The following DPM2 variants were observed in gnomAD, a reference collection of about 807,000 sequenced individuals.
DPM2 encodes dolichol phosphate-mannose biosynthesis regulatory protein.
DPM2 carries 8 observed loss-of-function variants against 12.1 expected under a neutral mutation model. The ratio of observed to expected loss-of-function variants is 0.66; its 90% CI spans 0.39 to 1.19. The LOEUF (loss-of-function observed/expected upper bound fraction) is 1.19, where lower values mean the gene tolerates loss of function less well. DPM2 is among the 50% of genes most tolerant of loss of function. The pLI, the probability that DPM2 is intolerant of heterozygous loss-of-function variation, is 0.01. For synonymous variants in DPM2, 38 were observed against 44.7 expected (o/e 0.85, Z 0.60); for missense variants, 93 against 102.5 (o/e 0.91, Z 0.40).
intron 3 of DPM2, chr9:127,936,304 T>C: frequency 3.4e-6 from 5 of 1,452,434 alleles, no homozygotes; most frequent in Non-Finnish European, 4.6e-6. Flanking sequence ...AGAGGGTGAC[T>C]GAGGTGTGAG....
chr9:127,936,460 A>T (rs1336786915), intron 3 of DPM2, 93 bp downstream of exon 3: 2 of 1,611,106 alleles, frequency 1.2e-6, no homozygotes, highest in Non-Finnish European at 1.7e-6. Context: ...CGGGGCAAGC[A>T]GCTTCCAGCA....
At chr9:127,937,358 T>C in intron 2 of DPM2, 76 bp downstream of exon 2, 1 of 1,152,244 alleles carries the variant, frequency 8.7e-7, no homozygotes, top group Non-Finnish European at 1.3e-6. Flanking sequence ...GCGCCGTGCC[T>C]AGAGCCTATA....
Position 127,935,684 on chromosome 9 carries a change from G to C in DPM2, c.*38C>G, listed in dbSNP as rs1831492474. 1.9e-6 allele frequency: 3 copies of C among 1,609,794 alleles called. No individual in the cohort carries two copies. Among genetic ancestry groups the C allele is most frequent in the Non-Finnish European group, 1.7e-6 (2 of 1,177,156 alleles). On this transcript the variant is annotated 3_prime_UTR_variant, in exon 4 of 4. Coordinates refer to ENST00000314392, the MANE Select transcript of DPM2 (RefSeq NM_003863.4). The stretch of plus-strand genomic sequence containing the variant: ...ACTTGGTCCCTGTGCTGGAGGGGAA[G>C]CAGAGAAGGGGCTGGCAGCCTCATC...
At chr9:127,936,151 T>G in intron 3 of DPM2, 1 of 846,304 alleles carries the variant, frequency 1.2e-6, no homozygotes, top group Non-Finnish European at 1.8e-6. Flanking sequence ...CACCCGGCTG[T>G]TGACTGACTC....
chr9:127,936,310 G>A, intron 3 of DPM2: 1 of 1,464,164 alleles, frequency 6.8e-7, no homozygotes. Flanking sequence ...TGACTGAGGT[G>A]TGAGCAGAGT....
chr9:127,937,840 C>A lies in DPM2; in HGVS notation c.-20G>T. On this transcript the variant is annotated 5_prime_UTR_variant, in exon 1 of 4. Coordinates refer to ENST00000314392, the MANE Select transcript of DPM2 (RefSeq NM_003863.4). ...CACCATTTCCCCGCGCGCTCAGCCA[C>A]CCGAGCCGCAAGCCACATCCGGTTC... 10 of 1,597,932 alleles carry A rather than the reference C, an allele frequency of 6.3e-6. No homozygotes were observed. Among genetic ancestry groups the A allele is most frequent in the Non-Finnish European group, 8.5e-6 (10 of 1,172,980 alleles).
chr9:127,936,635 A>G lies in DPM2; in HGVS notation c.114T>C (p.His38=), dbSNP rs1482824230. ...GGGGCAGGAAATACTTGTGGATGAC[A>G]TGCTGACTGTCGATGAATGGCTGGC... The part of the protein sequence containing the change: ...VILLPFIDSQ[H]VIHKYFLPRA... The change falls in exon 3 of 4, where the codon CAT becomes CAC. Residue 38 remains histidine, a synonymous_variant. Transcript: ENST00000314392. The G allele has an allele frequency of 2.0e-6, 3 of 1,506,668 alleles. No homozygotes were observed. Among genetic ancestry groups the G allele is most frequent in the African/African-American group, 2.8e-5 (2 of 71,188 alleles). 93.3% of individuals were successfully genotyped at this position (1,506,668 alleles called of 1,614,324 possible).
intron 2 of DPM2, chr9:127,937,220 G>T (rs924037403): frequency 4.4e-6 from 2 of 459,496 alleles, no homozygotes; most frequent in Admixed American, 3.8e-5. Flanking sequence ...AGCGGCTAAG[G>T]ATGCAATCTT....
intron 3 of DPM2, 109 bp downstream of exon 3, chr9:127,936,444 T>C: frequency 1.2e-6 from 2 of 1,608,392 alleles, no homozygotes; most frequent in Non-Finnish European, 1.7e-6. Context: ...ACCCCACGGG[T>C]GAGTTCGGGG....
intron 2 of DPM2, 174 bp downstream of exon 2, chr9:127,937,260 T>A (rs557335138): frequency 1.8e-6 from 1 of 542,798 alleles, no homozygotes; most frequent in African/African-American, 1.9e-5. Flanking sequence ...TAGCCTCAGC[T>A]ATCTCATCTA....
At chr9:127,937,794 T>G in intron 1 of DPM2, 24 bp downstream of exon 1, 1 of 1,610,644 alleles carries the variant, frequency 6.2e-7, no homozygotes, top group Non-Finnish European at 8.5e-7. Context: ...CGCCCCTATC[T>G]CCGGCACACG....
At chr9:127,937,795 C>T (rs1203023267) in intron 1 of DPM2, 23 bp downstream of exon 1, 7 of 1,611,096 alleles carry the variant, frequency 4.3e-6, no homozygotes, top group Non-Finnish European at 5.9e-6. Context: ...GCCCCTATCT[C>T]CGGCACACGG....
At chr9:127,936,180 G>C in intron 3 of DPM2, 1 of 1,129,956 alleles carries the variant, frequency 8.8e-7, no homozygotes, top group East Asian at 2.7e-5. Context: ...GACTTTCTGA[G>C]CACAGCCTCA....
rs570165176 is a variant in DPM2 at position 127,936,336 on chromosome 9, G to A, written c.196+217C>T. 4.7e-4 allele frequency: 697 copies of A among 1,493,640 alleles called. 7 individuals carry two copies. In the South Asian group the frequency reaches 8.7e-3, roughly 19 times the overall value. 92.5% of individuals were successfully genotyped at this position (1,493,640 alleles called of 1,614,324 possible). A position where few individuals can be genotyped will look rare whatever the true frequency, so the allele number is the denominator to read the frequency against. The stretch of plus-strand genomic sequence containing the variant: ...TGAGCAGAGTGATGATGGGGTTGGG[G>A]CAGGAAAGAGGTAGACAGGTCATTG... On this transcript the variant is annotated intron_variant, in intron 3 of 3. Coordinates refer to ENST00000314392, the MANE Select transcript of DPM2 (RefSeq NM_003863.4).
intron 1 of DPM2, 99 bp from the exon 2 acceptor site, chr9:127,937,622 T>C: frequency 7.9e-7 from 1 of 1,259,554 alleles, no homozygotes. Flanking sequence ...AAGCTTCCCA[T>C]TCAACAGATG....
At chr9:127,937,362 G>A in intron 2 of DPM2, 72 bp downstream of exon 2, 2 of 1,190,460 alleles carry the variant, frequency 1.7e-6, no homozygotes, top group Non-Finnish European at 2.5e-6. Flanking sequence ...CGTGCCTAGA[G>A]CCTATATAGT....
rs897822609 is a variant in DPM2 at position 127,935,445 on chromosome 9, C to G, written c.*277G>C. ...CCCAGGGGAAAAGGTGGCAGGGAGT[C>G]TGAGAGTGAGGTTGGGAGGACCAGC... On this transcript the variant is annotated 3_prime_UTR_variant, in exon 4 of 4. Coordinates refer to ENST00000314392, the MANE Select transcript of DPM2 (RefSeq NM_003863.4). The G allele has an allele frequency of 1.9e-6, 1 of 528,408 alleles. No individual in the cohort carries two copies. Among genetic ancestry groups the G allele is most frequent in the Non-Finnish European group, 3.4e-6 (1 of 293,138 alleles). 32.7% of individuals were successfully genotyped at this position (528,408 alleles called of 1,614,324 possible). A position where few individuals can be genotyped will look rare whatever the true frequency, so the allele number is the denominator to read the frequency against.
At chr9:127,937,236 A>G (rs1443046611) in intron 2 of DPM2, 198 bp downstream of exon 2, 5 of 489,850 alleles carry the variant, frequency 1.0e-5, no homozygotes, top group Non-Finnish European at 7.3e-6. Flanking sequence ...ATCTTGGGCC[A>G]GATCCTTCTC....
intron 2 of DPM2, 105 bp from the exon 3 acceptor site, chr9:127,936,760 T>C: frequency 1.0e-6 from 1 of 979,200 alleles, no homozygotes; most frequent in Non-Finnish European, 1.4e-6. Flanking sequence ...TTCAGAGGAC[T>C]GGGACTGCAT....
Sources: gnomAD v4.1 joint callset for allele counts on GRCh38, gnomAD v4.1.1 for gene constraint, MANE v1.5 for transcripts, NCBI Gene and HGNC (gene_info 2026-07-23, HGNC 2026-07-21) for gene names.